BIN3: variants seen among roughly 807,000 people sequenced by gnomAD.
The protein encoded by BIN3 is bridging integrator 3.
BIN3 carries 41 observed loss-of-function variants against 38.2 expected under a neutral mutation model. That is an observed-to-expected ratio of 1.07 (90% CI 0.84 to 1.39). BIN3 has a LOEUF of 1.39. Among genes scored for constraint, BIN3 ranks in the 40% most tolerant of loss-of-function variants. The pLI is 0.00. For synonymous variants in BIN3, 145 were observed against 122.6 expected, an observed-to-expected ratio of 1.18 and a Z score of -1.21; for missense variants, 361 against 324.3, an observed-to-expected ratio of 1.11 and a Z score of -0.87.
chr8:22,636,921 C>T lies in BIN3; in HGVS notation c.98+1G>A, dbSNP rs1038990484. On this transcript the variant is annotated splice_donor_variant, in intron 3 of 8. Coordinates refer to ENST00000276416, the MANE Select transcript of BIN3 (RefSeq NM_018688.6). LOFTEE classifies it high-confidence loss of function. Reference sequence around the variant, plus strand: ...CTCATCTTTCTGGGGTTGACACTCACTGCTGAAGTTTTCCATACTCCCTTT... The same window carrying T: ...CTCATCTTTCTGGGGTTGACACTCATTGCTGAAGTTTTCCATACTCCCTTT... 4 of 1,612,654 alleles carry T rather than the reference C, an allele frequency of 2.5e-6. No homozygotes were observed. The Admixed American group carries it at 5.0e-5, about 20-fold the overall frequency.
intron 1 of BIN3, among the ~76,000 whole-genome samples, chr8:22,650,215 C>A (rs1420902970): frequency 6.6e-6 from 1 of 152,134 alleles, no homozygotes; most frequent in Non-Finnish European, 1.5e-5. Flanking sequence ...ATACTGTGTT[C>A]AAGGCTTTGA....
In BIN3 at chr8:22,621,316, A is replaced by T; in HGVS notation, c.*106T>A. 1 of 1,419,292 alleles carries T rather than the reference A, an allele frequency of 7.0e-7. No individual in the cohort carries two copies. The highest frequency in any genetic ancestry group is 9.4e-7 in the Non-Finnish European group (1 of 1,065,058). The allele number at this position is 1,419,292 out of a possible 1,614,324, so 87.9% of individuals were successfully genotyped here. The stretch of plus-strand genomic sequence containing the variant: ...ATTGCAAAGGGCCGGCAAGTGAACC[A>T]GGGCCACCTCTGTCCCCAGCCTGTG... On this transcript the variant is annotated 3_prime_UTR_variant, in exon 9 of 9. Transcript: ENST00000276416.
At chr8:22,640,590 T>G (rs1199656259) in intron 2 of BIN3, among the ~76,000 whole-genome samples, 1 of 152,166 alleles carries the variant, frequency 6.6e-6, no homozygotes, top group Non-Finnish European at 1.5e-5. Flanking sequence ...TAAGCACTAC[T>G]TGGCCCAAAC....
chr8:22,641,241 C>G (rs1802548523), intron 2 of BIN3, among the ~76,000 whole-genome samples: 1 of 152,204 alleles, frequency 6.6e-6, no homozygotes. Context: ...TCAGGGCAAG[C>G]TGGGCCAGGC....
chr8:22,631,286 C>T (rs984813679), intron 4 of BIN3, among the ~76,000 whole-genome samples: 4 of 152,192 alleles, frequency 2.6e-5, no homozygotes, highest in African/African-American at 9.7e-5. Flanking sequence ...CACACTGCAG[C>T]TGGTACAGGC....
intron 1 of BIN3, among the ~76,000 whole-genome samples, chr8:22,660,103 C>A (rs1000519416): frequency 6.6e-6 from 1 of 152,286 alleles, no homozygotes; most frequent in Non-Finnish European, 1.5e-5. Context: ...GTGGCAACTT[C>A]CCCCCAAATA....
intron 6 of BIN3, among the ~76,000 whole-genome samples, chr8:22,629,012 G>A (rs369855252): frequency 1.9e-4 from 29 of 152,338 alleles, no homozygotes; most frequent in African/African-American, 7.0e-4. Context: ...CCCTGCCTTC[G>A]CTGAGCCTCC....
intron 6 of BIN3, among the ~76,000 whole-genome samples, chr8:22,626,926 G>A (rs1178126601): frequency 1.3e-5 from 2 of 152,168 alleles, no homozygotes; most frequent in African/African-American, 2.4e-5. Flanking sequence ...GCGGAGTGCC[G>A]AGCGGGGGTG....
intron 6 of BIN3, chr8:22,625,514 A>G (rs1585177143): frequency 1.5e-6 from 1 of 670,574 alleles, no homozygotes. Flanking sequence ...GGATGCTGGC[A>G]GACTCACTGT....
Position 22,621,331 on chromosome 8 carries a change from C to T in BIN3, c.*91G>A, listed in dbSNP as rs1801799191. Reference sequence around the variant, plus strand: ...CAAGTGAACCAGGGCCACCTCTGTCCCCAGCCTGTGAGAGGAGCAGCTAGC... The same window carrying T: ...CAAGTGAACCAGGGCCACCTCTGTCTCCAGCCTGTGAGAGGAGCAGCTAGC... On this transcript the variant is annotated 3_prime_UTR_variant, in exon 9 of 9. Transcript: ENST00000276416. The T allele has an allele frequency of 6.7e-7, 1 of 1,482,394 alleles. No homozygotes were observed. Among genetic ancestry groups the T allele is most frequent in the African/African-American group, 1.4e-5 (1 of 72,122 alleles). 91.8% of individuals were successfully genotyped at this position (1,482,394 alleles called of 1,614,324 possible).
chr8:22,661,349 A>ATT (rs1563985988), intron 1 of BIN3, among the ~76,000 whole-genome samples: 4 of 66,818 alleles, frequency 6.0e-5, no homozygotes, highest in African/African-American at 1.8e-4. Context: ...TGAATGTATC[A>ATT]TTCTTTTTTT....
rs182146065 is a variant in BIN3 at position 22,624,503 on chromosome 8, A to T, written c.339-140T>A. On this transcript the variant is annotated intron_variant, in intron 6 of 8. Coordinates refer to ENST00000276416, the MANE Select transcript of BIN3 (RefSeq NM_018688.6). Reference sequence around the variant, plus strand: ...GTCCTGGCCAGCACTCACTTGTCCAAAAATGTGCCCTGAGCACCTACCAAG... The same window carrying T: ...GTCCTGGCCAGCACTCACTTGTCCATAAATGTGCCCTGAGCACCTACCAAG... 1.6e-5 allele frequency: 19 copies of T among 1,169,976 alleles called. No individual in the cohort carries two copies. In the African/African-American group the frequency reaches 2.9e-4, roughly 18 times the overall value. 72.5% of individuals were successfully genotyped at this position (1,169,976 alleles called of 1,614,324 possible). A position where few individuals can be genotyped will look rare whatever the true frequency, so the allele number is the denominator to read the frequency against.
At chr8:22,661,931 C>G (rs1389507494) in intron 1 of BIN3, among the ~76,000 whole-genome samples, 1 of 76,402 alleles carries the variant, frequency 1.3e-5, no homozygotes, top group East Asian at 5.3e-4. Context: ...GCGGGGATTA[C>G]AGGTATGCAC....
chr8:22,650,706 T>C (rs1222920370), intron 1 of BIN3, among the ~76,000 whole-genome samples: 3 of 152,214 alleles, frequency 2.0e-5, no homozygotes, highest in African/African-American at 7.2e-5. Context: ...CCTTTGCACA[T>C]CTAAAGATAA....
intron 1 of BIN3, among the ~76,000 whole-genome samples, chr8:22,655,497 C>G (rs1433466737): frequency 7.2e-5 from 11 of 152,182 alleles, no homozygotes; most frequent in Non-Finnish European, 1.6e-4. Flanking sequence ...TGGCAAGTGG[C>G]TATCCATTTG....
chr8:22,637,462 G>C (rs1347631627), intron 2 of BIN3, among the ~76,000 whole-genome samples: 1 of 152,246 alleles, frequency 6.6e-6, no homozygotes, highest in Non-Finnish European at 1.5e-5. Flanking sequence ...GGGTGGGTCA[G>C]GAACAATCGT....
chr8:22,654,416 G>C (rs537680183), intron 1 of BIN3, among the ~76,000 whole-genome samples: 8 of 152,204 alleles, frequency 5.3e-5, no homozygotes, highest in Non-Finnish European at 1.2e-4. Context: ...CCAGAATTGT[G>C]CAAAAATCAC....
intron 1 of BIN3, 117 bp downstream of exon 1, chr8:22,668,927 C>T (rs2117614018): frequency 7.2e-7 from 1 of 1,393,816 alleles, no homozygotes; most frequent in East Asian, 2.5e-5. Flanking sequence ...TCGGGCCTTG[C>T]TCTGGGGCGG....
intron 6 of BIN3, chr8:22,629,616 C>T (rs1048111696): frequency 1.2e-5 from 4 of 340,774 alleles, no homozygotes; most frequent in Non-Finnish European, 1.7e-5. Flanking sequence ...CCGCTGAGGG[C>T]TGGCCAAGAT....
Sources: allele counts gnomAD v4.1 joint callset (sites outside exome capture counted in the v4.1 genomes callset), GRCh38; gene constraint gnomAD v4.1.1; transcripts MANE v1.5; gene names NCBI Gene and HGNC (gene_info 2026-07-23, HGNC 2026-07-21).